DNAH3: variants seen among roughly 807,000 people sequenced by gnomAD.
DNAH3 encodes dynein axonemal heavy chain 3, also known as axonemal beta dynein heavy chain 3.
DNAH3 carries 332 observed loss-of-function variants against 432.5 expected under a neutral mutation model. The observed-to-expected ratio is 0.77, with a 90% confidence interval of 0.70 to 0.84. The LOEUF is 0.84. Ranked by LOEUF, DNAH3 falls within the 40% of genes least tolerant of loss-of-function variation. DNAH3 has a pLI of 0.00. For synonymous variants in DNAH3, 1,956 were observed against 1,900.2 expected (o/e 1.03, Z -0.76); for missense variants, 4,861 against 5,114.0 (o/e 0.95, Z 1.51).
intron 59 of DNAH3, among the ~76,000 whole-genome samples, chr16:20,939,671 C>T (rs1248176159): frequency 6.7e-6 from 1 of 149,318 alleles, no homozygotes; most frequent in African/African-American, 2.5e-5. Flanking sequence ...TCTCAAATAA[C>T]ACTCCTCCAG....
At chr16:21,011,391 A>G (rs913827918) in intron 41 of DNAH3, among the ~76,000 whole-genome samples, 10 of 152,132 alleles carry the variant, frequency 6.6e-5, no homozygotes, top group African/African-American at 2.2e-4. Context: ...CCCAGGCTGG[A>G]GTGCAGTGGT....
intron 31 of DNAH3, among the ~76,000 whole-genome samples, chr16:21,048,601 G>A (rs1005942273): frequency 2.6e-5 from 4 of 152,110 alleles, no homozygotes; most frequent in African/African-American, 4.8e-5. Flanking sequence ...AGATGAACCC[G>A]GTACCTCAGA....
intron 55 of DNAH3, among the ~76,000 whole-genome samples, chr16:20,953,156 G>A (rs1466833350): frequency 2.0e-5 from 3 of 150,388 alleles, no homozygotes; most frequent in Non-Finnish European, 3.0e-5. Flanking sequence ...TTGTTTTTTT[G>A]TTTGTTGTTT....
At chr16:20,963,298 G>A (rs2084905642) in exon 53 of DNAH3, 4 of 1,613,574 alleles carry the variant, frequency 2.5e-6, no homozygotes, top group Non-Finnish European at 3.4e-6. Context: ...CATTGGGTCT[G>A]CACTTGGAGA....
intron 41 of DNAH3, among the ~76,000 whole-genome samples, chr16:21,006,167 C>T (rs1376553710): frequency 6.6e-6 from 1 of 152,002 alleles, no homozygotes; most frequent in African/African-American, 2.4e-5. Context: ...TATCTCAAAC[C>T]TTATTTCTAA....
intron 56 of DNAH3, among the ~76,000 whole-genome samples, chr16:20,951,354 G>A (rs16951337): frequency 6.6e-6 from 1 of 151,268 alleles, no homozygotes; most frequent in Admixed American, 6.6e-5. Flanking sequence ...AGTTTGCCAC[G>A]ATCATCTCCT....
chr16:20,972,610 T>G (rs1329590394), intron 51 of DNAH3, among the ~76,000 whole-genome samples: 1 of 152,022 alleles, frequency 6.6e-6, no homozygotes, highest in Non-Finnish European at 1.5e-5. Context: ...CATCTGTAAT[T>G]CAGGGTATTC....
intron 37 of DNAH3, among the ~76,000 whole-genome samples, chr16:21,029,144 C>T (rs770600365): frequency 3.3e-5 from 5 of 152,130 alleles, no homozygotes; most frequent in Non-Finnish European, 7.3e-5. Flanking sequence ...CAAGACCAAC[C>T]GATACATCTG....
At chr16:21,078,828 C>G (rs1446993865) in intron 20 of DNAH3, among the ~76,000 whole-genome samples, 1 of 152,200 alleles carries the variant, frequency 6.6e-6, no homozygotes, top group African/African-American at 2.4e-5. Flanking sequence ...TGTGATGAAG[C>G]TGCATTAACT....
intron 8 of DNAH3, 38 bp downstream of exon 9, chr16:21,127,649 T>C (rs763787263): frequency 5.1e-5 from 82 of 1,610,170 alleles, no homozygotes; most frequent in South Asian, 9.9e-5. Context: ...GTCTTTAAGA[T>C]ACCATGGTGC....
At chr16:21,059,561 G>A (rs1052282433) in intron 26 of DNAH3, among the ~76,000 whole-genome samples, 4 of 152,124 alleles carry the variant, frequency 2.6e-5, no homozygotes, top group Non-Finnish European at 5.9e-5. Context: ...GATCATTTGA[G>A]GTCAGGAGTT....
chr16:20,978,400 G>A (rs1287977848), intron 50 of DNAH3, among the ~76,000 whole-genome samples: 2 of 152,110 alleles, frequency 1.3e-5, no homozygotes, highest in Admixed American at 6.6e-5. Flanking sequence ...GTGGTGGCAC[G>A]CACCTGTAGT....
intron 9 of DNAH3, among the ~76,000 whole-genome samples, chr16:21,123,546 A>G (rs2092387748): frequency 6.6e-6 from 1 of 152,174 alleles, no homozygotes; most frequent in South Asian, 2.1e-4. Context: ...TTCTTTAGAG[A>G]GCTAACATTG....
At chr16:21,074,588 C>G (rs1408974493) in intron 21 of DNAH3, among the ~76,000 whole-genome samples, 2 of 152,030 alleles carry the variant, frequency 1.3e-5, no homozygotes, top group Non-Finnish European at 2.9e-5. Context: ...GTGGCGGGCA[C>G]CTGTAATCCC....
chr16:21,097,871 G>T (rs185108883), intron 17 of DNAH3, among the ~76,000 whole-genome samples: 132 of 152,188 alleles, frequency 8.7e-4, no homozygotes, highest in Non-Finnish European at 1.6e-3. Flanking sequence ...GGTTATTAAA[G>T]AACTTACTAG....
chr16:20,999,952 G>A (rs964086363), intron 43 of DNAH3, among the ~76,000 whole-genome samples: 13 of 143,456 alleles, frequency 9.1e-5, no homozygotes. Flanking sequence ...ACAAGGAAGA[G>A]AGGAAGGAAA....
chr16:21,135,632 G>A (rs1335792906), intron 6 of DNAH3, among the ~76,000 whole-genome samples: 3 of 152,074 alleles, frequency 2.0e-5, no homozygotes, highest in Non-Finnish European at 4.4e-5. Flanking sequence ...GTCCGCCCAG[G>A]TAGGTCTTGA....
chr16:21,159,242 A>C, intron 1 of DNAH3: 1 of 1,255,128 alleles, frequency 8.0e-7, no homozygotes, highest in Non-Finnish European at 1.2e-6. Context: ...TTTACCCCCA[A>C]ATTAATAACT....
exon 53 of DNAH3, chr16:20,964,783 G>C: frequency 6.2e-7 from 1 of 1,614,152 alleles, no homozygotes; most frequent in Non-Finnish European, 8.5e-7. Context: ...ACTGAAGCCA[G>C]GGATGACCTT....
Sources: allele counts gnomAD v4.1 joint callset (sites outside exome capture counted in the v4.1 genomes callset), GRCh38; gene constraint gnomAD v4.1.1; transcripts MANE v1.5; gene names NCBI Gene and HGNC (gene_info 2026-07-23, HGNC 2026-07-21).